Variants in METTL15 observed in about 807,000 individuals in gnomAD.
METTL15 encodes methyltransferase 15, mitochondrial 12S rRNA N4-cytidine.
In METTL15, 34 loss-of-function variants were observed where a neutral mutation model predicts 38.3. The ratio of observed to expected loss-of-function variants is 0.89; its 90% CI spans 0.68 to 1.18. METTL15 has a LOEUF of 1.18. METTL15 is among the 50% of genes most tolerant of loss of function. The probability of loss-of-function intolerance (pLI) is 0.00; values close to 1 mark genes in which losing one functional copy is unlikely to be tolerated. For synonymous variants in METTL15, 162 were observed against 170.9 expected, an observed-to-expected ratio of 0.95 and a Z score of 0.41; for missense variants, 438 against 498.4, an observed-to-expected ratio of 0.88 and a Z score of 1.15.
intron 4 of METTL15, among the ~76,000 whole-genome samples, chr11:28,247,672 A>G (rs554487524): frequency 2.2e-4 from 33 of 152,282 alleles, no homozygotes; most frequent in African/African-American, 7.0e-4. Context: ...CCATTTACAA[A>G]TACGGAACTA....
chr11:28,174,128 T>TGGGGGTGGAATA (rs1850963293), intron 3 of METTL15, among the ~76,000 whole-genome samples: 1 of 152,136 alleles, frequency 6.6e-6, no homozygotes, highest in Non-Finnish European at 1.5e-5. Context: ...CTGCCTTCAT[T>TGGGGGTGGAATA]GGGGGTGGAA....
Position 28,194,518 on chromosome 11 carries a change from G to A in METTL15, c.271-16544G>A, listed in dbSNP as rs149845925. Among the ~76,000 whole-genome samples, 730 of 151,938 alleles carry A rather than the reference G, an allele frequency of 4.8e-3. 8 individuals carry two copies. Among genetic ancestry groups the A allele is most frequent in the African/African-American group, 0.016 (684 of 41,462 alleles). On this transcript the variant is annotated intron_variant, in intron 3 of 6. Coordinates refer to ENST00000407364, the MANE Select transcript of METTL15 (RefSeq NM_001113528.2). ...TCTGGCTATTTACTTTCATTCTGCG[G>A]TTGAAACTATCAAGGTAACAGAACT...
At chr11:28,409,202 G>A (rs1211453984) in intron 5 of METTL15, among the ~76,000 whole-genome samples, 1 of 151,816 alleles carries the variant, frequency 6.6e-6, no homozygotes, top group Non-Finnish European at 1.5e-5. Context: ...CTAACATGGT[G>A]AAACCCCGTC....
At chr11:28,312,267 T>G (rs1857330261) in intron 6 of METTL15, among the ~76,000 whole-genome samples, 1 of 152,228 alleles carries the variant, frequency 6.6e-6, no homozygotes, top group Non-Finnish European at 1.5e-5. Flanking sequence ...GTTGCCCAAT[T>G]ATTGTTATTC....
chr11:28,499,942 G>C (rs1461232037), intron 6 of METTL15, among the ~76,000 whole-genome samples: 1 of 151,882 alleles, frequency 6.6e-6, no homozygotes, highest in Non-Finnish European at 1.5e-5. Flanking sequence ...TAGAGCAATT[G>C]TCCTTTTAAT....
At chr11:28,275,090 A>G (rs1353013839) in intron 4 of METTL15, among the ~76,000 whole-genome samples, 1 of 151,680 alleles carries the variant, frequency 6.6e-6, no homozygotes. Context: ...CAAAATCCCT[A>G]AATAGTGGAA....
intron 6 of METTL15, among the ~76,000 whole-genome samples, chr11:28,300,360 C>G (rs915274473): frequency 1.4e-4 from 21 of 152,042 alleles, no homozygotes; most frequent in African/African-American, 4.8e-4. Flanking sequence ...TCTTTGCTTT[C>G]CAAAAACTAA....
chr11:28,330,483 G>A lies in METTL15; in HGVS notation c.866G>A (p.Arg289His), dbSNP rs1170095535. The A allele has an allele frequency of 1.3e-5, 20 of 1,551,128 alleles. No individual in the cohort carries two copies. The highest frequency in any genetic ancestry group is 9.8e-5 in the East Asian group (4 of 40,916). Residue 289 changes from arginine (R) to histidine (H), a missense_variant, in exon 7 of 7, where the codon CGC becomes CAC. Arg to His is a conservative substitution (Grantham distance 29). Transcript: ENST00000407364. ...GCCACCAAGACTTTCCAGGCTCTTC[G>A]CATATTTGTGAACAATGAGCTCAAT... The part of the protein sequence containing the change: ...HIATKTFQAL[R>H]IFVNNELNEL...
At chr11:28,221,740 G>T (rs1853234632) in intron 4 of METTL15, among the ~76,000 whole-genome samples, 1 of 152,064 alleles carries the variant, frequency 6.6e-6, no homozygotes, top group African/African-American at 2.4e-5. Context: ...TGGTGTGGAT[G>T]TCCTTTCTGT....
chr11:28,172,650 T>C (rs1212577875), intron 3 of METTL15, among the ~76,000 whole-genome samples: 1 of 152,192 alleles, frequency 6.6e-6, no homozygotes, highest in Admixed American at 6.5e-5. Context: ...ATTTTTGAGA[T>C]AAAGAGACTG....
intron 3 of METTL15, among the ~76,000 whole-genome samples, chr11:28,192,087 T>C (rs1851720022): frequency 6.6e-6 from 1 of 151,820 alleles, no homozygotes; most frequent in Non-Finnish European, 1.5e-5. Context: ...TGTCTATCTG[T>C]GTGTCTTCTC....
intron 5 of METTL15, among the ~76,000 whole-genome samples, chr11:28,392,152 AG>A (rs1850516074): frequency 6.6e-6 from 1 of 152,188 alleles, no homozygotes; most frequent in Non-Finnish European, 1.5e-5. Context: ...AAGTGGGCAA[AG>A]GATATGAACA....
intron 4 of METTL15, among the ~76,000 whole-genome samples, chr11:28,244,828 C>T (rs956428638): frequency 6.6e-6 from 1 of 152,150 alleles, no homozygotes; most frequent in African/African-American, 2.4e-5. Context: ...ACCTGGGTCA[C>T]CTGGCTGGGG....
intron 6 of METTL15, among the ~76,000 whole-genome samples, chr11:28,504,197 CA>C (rs376321913): frequency 0.013 from 902 of 71,138 alleles, 2 homozygotes; most frequent in East Asian, 0.025. Context: ...AACTCTGTCT[CA>C]AAAAAAAAAA....
intron 3 of METTL15, among the ~76,000 whole-genome samples, chr11:28,345,248 A>T (rs1185955259): frequency 6.6e-6 from 1 of 152,116 alleles, no homozygotes; most frequent in Non-Finnish European, 1.5e-5. Flanking sequence ...GAGTGCAATG[A>T]CGTGATCTCG....
chr11:28,326,190 C>G (rs897475233), intron 6 of METTL15, among the ~76,000 whole-genome samples: 5 of 152,096 alleles, frequency 3.3e-5, no homozygotes, highest in African/African-American at 1.2e-4. Flanking sequence ...AAACAGTGAG[C>G]TCCTCAAGGG....
chr11:28,224,159 GT>G (rs1853373518), intron 4 of METTL15, among the ~76,000 whole-genome samples: 1 of 151,724 alleles, frequency 6.6e-6, no homozygotes, highest in African/African-American at 2.4e-5. Flanking sequence ...GTGATTTTAC[GT>G]TTTTCATTTC....
chr11:28,222,658 G>A (rs996731175), intron 4 of METTL15, among the ~76,000 whole-genome samples: 2 of 152,158 alleles, frequency 1.3e-5, no homozygotes, highest in Non-Finnish European at 2.9e-5. Flanking sequence ...GCTGGGTGCT[G>A]TAGACTGGAC....
intron 6 of METTL15, among the ~76,000 whole-genome samples, chr11:28,329,161 T>C (rs1210611613): frequency 6.6e-6 from 1 of 152,284 alleles, no homozygotes; most frequent in East Asian, 1.9e-4. Context: ...CTAATTACAT[T>C]CTTTTACATG....
Sources: allele counts gnomAD v4.1 joint callset (sites outside exome capture counted in the v4.1 genomes callset), GRCh38; gene constraint gnomAD v4.1.1; transcripts MANE v1.5; gene names NCBI Gene and HGNC (gene_info 2026-07-23, HGNC 2026-07-21).